NCAN: variants seen among roughly 807,000 people sequenced by gnomAD.
The protein encoded by NCAN is neurocan core protein.
In NCAN, 47 loss-of-function variants were observed where a neutral mutation model predicts 121.8. That is an observed-to-expected ratio of 0.39 (90% confidence interval 0.31 to 0.49). NCAN has a LOEUF of 0.49. NCAN is among the 20% of genes least tolerant of loss of function. The pLI is 0.92. For synonymous variants in NCAN, 633 were observed against 702.0 expected (o/e 0.90, Z 1.55); for missense variants, 1,517 against 1,773.4 (o/e 0.86, Z 2.60).
At chr19:19,242,384 G>A (rs1168900674) in intron 12 of NCAN, among the ~76,000 whole-genome samples, 2 of 151,770 alleles carry the variant, frequency 1.3e-5, no homozygotes, top group Non-Finnish European at 2.9e-5. Context: ...GCAAGACCCT[G>A]TCTCAAACAA....
At chr19:19,216,140 T>G (rs1238707567) in intron 1 of NCAN, among the ~76,000 whole-genome samples, 3 of 152,036 alleles carry the variant, frequency 2.0e-5, no homozygotes, top group Admixed American at 1.3e-4. Flanking sequence ...CTTGGATTGT[T>G]TTTTGTTGTT....
intron 12 of NCAN, among the ~76,000 whole-genome samples, chr19:19,242,135 C>T (rs2060905423): frequency 6.6e-6 from 1 of 151,764 alleles, no homozygotes; most frequent in African/African-American, 2.4e-5. Context: ...GCAGAGGTTG[C>T]AGTGAGCCAA....
At chr19:19,214,510 C>T (rs768615497) in intron 1 of NCAN, among the ~76,000 whole-genome samples, 10 of 151,984 alleles carry the variant, frequency 6.6e-5, no homozygotes, top group African/African-American at 1.7e-4. Flanking sequence ...ATATTTTTAG[C>T]GTATACATGA....
At chr19:19,247,550 G>A (rs2060929005) in intron 13 of NCAN, among the ~76,000 whole-genome samples, 1 of 151,752 alleles carries the variant, frequency 6.6e-6, no homozygotes, top group Non-Finnish European at 1.5e-5. Context: ...ACCGCACCCG[G>A]CCCTTATTTT....
In NCAN at chr19:19,212,783, G is replaced by A. The variant is rs748635619; in HGVS notation, c.-8+719G>A. On this transcript the variant is annotated intron_variant, in intron 1 of 14. Transcript: ENST00000252575. This position sits in a 1 kb window ranked among gnomAD's most constrained non-coding sequence, Gnocchi z 4.5. ...ACTGGGTGTCCCAGGTGAATGTTGG[G>A]TGGGGGTCCCCTAGACCCCCCAGCT... is the stretch of plus-strand genomic sequence containing the variant. 2.6e-5 allele frequency among the ~76,000 whole-genome samples: 4 copies of A among 152,164 alleles called. No homozygotes were observed. The highest frequency in any genetic ancestry group is 4.4e-5 in the Non-Finnish European group (3 of 68,006).
Position 19,249,698 on chromosome 19 carries a change from C to T in NCAN, c.3821-68C>T, listed in dbSNP as rs181311596. On this transcript the variant is annotated intron_variant, in intron 14 of 14. Transcript: ENST00000252575. ...CTCTACTTTCTCTCCCAAGGACACC[C>T]GCTGCATCAGGCCACCTGCCTCTCA... 1.1e-4 allele frequency: 165 copies of T among 1,535,686 alleles called. No individual in the cohort carries two copies. The African/African-American group carries it at 1.6e-3, about 15-fold the overall frequency.
At chr19:19,237,528 G>A (rs1260969594) in intron 10 of NCAN, among the ~76,000 whole-genome samples, 2 of 151,788 alleles carry the variant, frequency 1.3e-5, no homozygotes, top group Non-Finnish European at 2.9e-5. Context: ...CTCCATCCTA[G>A]TGGGTGTGAA....
rs750535585 is a variant in NCAN at position 19,219,301 on chromosome 19, C to G, written c.460C>G (p.Pro154Ala). 191 of 1,550,078 alleles carry G rather than the reference C, an allele frequency of 1.2e-4. No individual in the cohort carries two copies. The highest frequency in any genetic ancestry group is 1.2e-4 in the Non-Finnish European group (134 of 1,151,372). ...CATCGAGGATGAGCAGGACCTGGTGCCCTTGGAGGTGACAGGTCAGTTGGG... is the reference window on the plus strand; with the variant it reads ...CATCGAGGATGAGCAGGACCTGGTGGCCTTGGAGGTGACAGGTCAGTTGGG... Reference protein sequence around the residue: ...RGIEDEQDLVPLEVTGVVFHY... With the variant: ...RGIEDEQDLVALEVTGVVFHY... The change falls in exon 3 of 15, where the codon CCC becomes GCC. Residue 154 changes from proline (P) to alanine (A), a missense_variant. Transcript: ENST00000252575.
At position 19,241,245 on chromosome 19, in the gene NCAN, C is replaced by G. The variant is rs540907239; in HGVS notation, c.3492+560C>G. Among the ~76,000 whole-genome samples, 41 of 150,240 alleles carry G rather than the reference C, an allele frequency of 2.7e-4. No individual in the cohort carries two copies. In the Middle Eastern group the frequency reaches 0.01, roughly 38 times the overall value. On this transcript the variant is annotated intron_variant, in intron 12 of 14. Transcript: ENST00000252575. ...CACTTCAGCCTGGGTGATGATAGAA[C>G]GAGATCCTGTCTCAAAAAAAAAAAA...
In NCAN at chr19:19,219,192, C is replaced by G; in HGVS notation, c.351C>G (p.Pro117=). ...WQGRVSLPSY[P]RRRANATLLL... ...GACGAGTGTCACTGCCTTCCTACCC[C>G]CGGCGCCGAGCCAACGCCACGCTAC... The change falls in exon 3 of 15, where the codon CCC becomes CCG. Residue 117 remains proline (P), a synonymous_variant. Coordinates refer to ENST00000252575, the MANE Select transcript of NCAN (RefSeq NM_004386.3). The G allele has an allele frequency of 6.2e-7, 1 of 1,612,082 alleles. No individual in the cohort carries two copies. Among genetic ancestry groups the G allele is most frequent in the South Asian group, 1.1e-5 (1 of 91,066 alleles).
intron 9 of NCAN, among the ~76,000 whole-genome samples, chr19:19,234,461 C>G (rs970507567): frequency 1.3e-5 from 2 of 152,162 alleles, no homozygotes; most frequent in African/African-American, 4.8e-5. Context: ...TCACAATCAT[C>G]CTTGAGTAGG....
chr19:19,236,992 A>AC (rs998231177), intron 10 of NCAN, among the ~76,000 whole-genome samples: 3 of 151,788 alleles, frequency 2.0e-5, no homozygotes, highest in Non-Finnish European at 4.4e-5. Context: ...TTGGCTCACT[A>AC]CAACCTCCAC....
rs1291253216 is a variant in NCAN, at chr19:19,243,523, A to G, written c.3493-1790A>G. Among the ~76,000 whole-genome samples the G allele has an allele frequency of 1.3e-5, 2 of 151,170 alleles. 1 individual carries two copies. The highest frequency in any genetic ancestry group is 4.9e-5 in the African/African-American group (2 of 41,168). ...AGAGAGAGACTCCATCTCAAAAAAA[A>G]AAAAAAAAAAAGAAAAAGAAAAAGT... is the stretch of plus-strand genomic sequence containing the variant. On this transcript the variant is annotated intron_variant, in intron 12 of 14. Transcript: ENST00000252575.
intron 2 of NCAN, 55 bp downstream of exon 2, chr19:19,217,081 G>C: frequency 8.0e-7 from 1 of 1,250,592 alleles, no homozygotes; most frequent in Non-Finnish European, 1.0e-6. Flanking sequence ...GACAAGATGG[G>C]GCAGCTTTTG....
intron 1 of NCAN, among the ~76,000 whole-genome samples, chr19:19,215,282 G>A (rs2060792451): frequency 1.3e-5 from 2 of 152,160 alleles, no homozygotes; most frequent in Non-Finnish European, 2.9e-5. Flanking sequence ...TGGGGGCGGG[G>A]AGCAAGGATT....
At chr19:19,242,602 T>C (rs2060907598) in intron 12 of NCAN, among the ~76,000 whole-genome samples, 1 of 151,638 alleles carries the variant, frequency 6.6e-6, no homozygotes, top group Non-Finnish European at 1.5e-5. Context: ...GGCAGGAGAA[T>C]CGCTTGAACC....
Position 19,228,365 on chromosome 19 carries a change from GCCTCCGCATCAGAGCAGTC to G in NCAN, c.2748_2766del (p.Pro917Ter). ...CCCAGGGAACATCAGGAGCTTCAGTGCCTCCGCATCAGAGCAGTCCCCTAGGGAAACCGGCTGTTCCTCC... is the reference window on the plus strand; with the variant it reads ...CCCAGGGAACATCAGGAGCTTCAGTGCCCTAGGGAAACCGGCTGTTCCTCC... On this transcript the variant is annotated frameshift_variant, in exon 8 of 15. Transcript: ENST00000252575. LOFTEE classifies it high-confidence loss of function. 6.2e-7 allele frequency: 1 copy of G among 1,613,858 alleles called. No homozygotes were observed. Among genetic ancestry groups the G allele is most frequent in the Non-Finnish European group, 8.5e-7 (1 of 1,180,014 alleles).
Position 19,225,133 on chromosome 19 carries a change from G to A in NCAN, c.935G>A (p.Gly312Asp), listed in dbSNP as rs1214734515. The A allele has an allele frequency of 6.5e-7, 1 of 1,530,512 alleles. No individual in the cohort carries two copies. The highest frequency in any genetic ancestry group is 2.5e-5 in the East Asian group (1 of 39,558). 94.8% of individuals were successfully genotyped at this position (1,530,512 alleles called of 1,614,324 possible). Residue 312 changes from glycine (G) to aspartate (D), a missense_variant, in exon 6 of 15, where the codon GGC (glycine) becomes GAC (aspartate). Coordinates refer to ENST00000252575, the MANE Select transcript of NCAN (RefSeq NM_004386.3). The surrounding 1 kb of genome is among the most constrained non-coding windows in gnomAD (Gnocchi z 4.0). ...TGCGACCCGGGCTGGCTGGCCGACG[G>A]CAGCGTGCGCTACCCGATCCAGACG... ...DQCDPGWLAD[G>D]SVRYPIQTPR...
At chr19:19,229,378 C>T (rs1194578639) in intron 8 of NCAN, among the ~76,000 whole-genome samples, 2 of 152,146 alleles carry the variant, frequency 1.3e-5, no homozygotes, top group African/African-American at 2.4e-5. Flanking sequence ...AGGACACAGA[C>T]GCCTCCCAGG....
Sources: gnomAD v4.1 joint callset for allele counts (sites outside exome capture counted in the v4.1 genomes callset) on GRCh38, gnomAD v4.1.1 for gene constraint, Gnocchi (gnomAD v3.1) non-coding constraint, MANE v1.5 for transcripts, NCBI Gene and HGNC (gene_info 2026-07-23, HGNC 2026-07-21) for gene names.